The following RETSAT variants were observed in gnomAD, a reference collection of about 807,000 sequenced individuals.
RETSAT encodes the protein all-trans-retinol 13,14-reductase.
A neutral mutation model predicts 61.6 loss-of-function variants in RETSAT; 35 were observed. The observed-to-expected ratio is 0.57, with a 90% CI of 0.43 to 0.75. The LOEUF is 0.75. Among genes scored for constraint, RETSAT ranks in the 30% least tolerant of loss-of-function variants. RETSAT has a pLI of 0.00. For missense variants in RETSAT, 670 were observed against 759.5 expected (o/e 0.88, Z 1.38); for synonymous variants, 277 against 310.4 (o/e 0.89, Z 1.13).
chr2:85,344,366 G>C lies in RETSAT; in HGVS notation c.1257-18C>G, dbSNP rs776260476. On this transcript the variant is annotated intron_variant, in intron 7 of 10. Transcript: ENST00000295802. Reference sequence around the variant, plus strand: ...GCTCCATCCTGCATGTGACAAGAGTGTGGTGGGATCTCCAGGTTTTTGTCC... The same window carrying C: ...GCTCCATCCTGCATGTGACAAGAGTCTGGTGGGATCTCCAGGTTTTTGTCC... 3.0e-5 allele frequency: 49 copies of C among 1,611,310 alleles called. No homozygotes were observed. The highest frequency in any genetic ancestry group is 4.1e-5 in the Non-Finnish European group (48 of 1,177,660).
chr2:85,347,178 G>A (rs1285972550), intron 5 of RETSAT, among the ~76,000 whole-genome samples: 3 of 151,978 alleles, frequency 2.0e-5, no homozygotes, highest in African/African-American at 4.8e-5. Flanking sequence ...CTGTTCCACC[G>A]TGCTGTCTGT....
chr2:85,350,129 G>A lies in RETSAT; in HGVS notation c.710C>T (p.Ala237Val). 6.2e-7 allele frequency: 1 copy of A among 1,614,076 alleles called. No individual in the cohort carries two copies. The highest frequency in any genetic ancestry group is 2.2e-5 in the East Asian group (1 of 44,882). ...GACCTCAGCCAGGCTCTGGGTGGAT[G>A]CTTGAAGGAATGGAGAGAAACGAGT... The part of the protein sequence containing the change: ...LLTRFSPFLQ[A>V]STQSLAEVLQ... Residue 237 changes from alanine (A) to valine (V), a missense_variant, in exon 4 of 11, where the codon GCA becomes GTA. Coordinates refer to ENST00000295802, the MANE Select transcript of RETSAT (RefSeq NM_017750.4).
intron 4 of RETSAT, chr2:85,349,784 CT>C (rs1683268264): frequency 1.6e-6 from 1 of 631,074 alleles, no homozygotes; most frequent in South Asian, 2.0e-5. Flanking sequence ...AATACCCCCC[CT>C]GCAAACTGCC....
chr2:85,354,171 G>A (rs749544981), intron 1 of RETSAT, among the ~76,000 whole-genome samples, 165 bp downstream of exon 1: 28 of 152,244 alleles, frequency 1.8e-4, no homozygotes, highest in Non-Finnish European at 3.7e-4. Context: ...CGACAGTGTT[G>A]CACACTAAAG....
chr2:85,350,520 T>C (rs61094426), intron 3 of RETSAT, among the ~76,000 whole-genome samples: 4,060 of 152,226 alleles, frequency 0.027, 178 homozygotes, highest in African/African-American at 0.093. Context: ...TCTGATGTCA[T>C]GGAAGCCAGC....
Position 85,349,569 on chromosome 2 carries a change from T to C in RETSAT, c.812A>G (p.Asn271Ser), listed in dbSNP as rs747915382. 8 of 1,613,886 alleles carry C rather than the reference T, an allele frequency of 5.0e-6. No individual in the cohort carries two copies. In the African/African-American group the frequency reaches 9.3e-5, roughly 19 times the overall value. The change falls in exon 5 of 11, where the codon AAC (asparagine) becomes AGC (serine). Residue 271 changes from asparagine (N) to serine (S), a missense_variant. Transcript: ENST00000295802. ...YIFPTYGVTP[N>S]HSAFSMHALL... The stretch of plus-strand genomic sequence containing the variant: ...GGCGTGCATGGAAAAGGCACTGTGG[T>C]TGGGGGTGACACCTGCAGAAGCAAG...
chr2:85,347,193 C>A (rs1001950471), intron 5 of RETSAT, among the ~76,000 whole-genome samples: 2 of 152,014 alleles, frequency 1.3e-5, no homozygotes, highest in African/African-American at 4.8e-5. Context: ...GTCTGTTATC[C>A]CCATCCTTAG....
intron 6 of RETSAT, 71 bp from the exon 7 acceptor site, chr2:85,344,803 C>A (rs1261976639): frequency 1.3e-6 from 2 of 1,543,072 alleles, no homozygotes; most frequent in African/African-American, 2.7e-5. Flanking sequence ...CCCAGGAGAG[C>A]CTTGGGGTGC....
chr2:85,345,104 C>A (rs3755018), intron 6 of RETSAT, among the ~76,000 whole-genome samples: 1 of 151,676 alleles, frequency 6.6e-6, no homozygotes, highest in East Asian at 1.9e-4. Context: ...GCACCAAGCC[C>A]GACCTCCCTG....
rs756887256 is a variant in RETSAT at position 85,350,761 on chromosome 2, C to G, written c.597+19G>C. ...CCTTATCGAGAACAAACTCTGGGTC[C>G]TCAGCATGTCCATGTTACCTTAACC... On this transcript the variant is annotated intron_variant, in intron 3 of 10. Coordinates refer to ENST00000295802, the MANE Select transcript of RETSAT (RefSeq NM_017750.4). 1 of 1,613,994 alleles carries G rather than the reference C, an allele frequency of 6.2e-7. No individual in the cohort carries two copies. The highest frequency in any genetic ancestry group is 8.5e-7 in the Non-Finnish European group (1 of 1,179,952).
intron 1 of RETSAT, 78 bp from the exon 2 acceptor site, chr2:85,351,940 T>G: frequency 7.1e-7 from 1 of 1,406,826 alleles, no homozygotes; most frequent in Non-Finnish European, 9.7e-7. Flanking sequence ...CAAAGAAGAC[T>G]TCTCTAGCTT....
chr2:85,345,318 C>A (rs190532792), intron 6 of RETSAT, among the ~76,000 whole-genome samples: 5 of 152,212 alleles, frequency 3.3e-5, no homozygotes, highest in Admixed American at 1.3e-4. Context: ...CTTTACCCCC[C>A]AGCCCGCTCT....
rs751707956 is a variant in RETSAT at position 85,354,474 on chromosome 2, GCACAGCCAGGAGCA to G, written c.20_33del (p.Leu7ProfsTer36). On this transcript the variant is annotated frameshift_variant, in exon 1 of 11. Transcript: ENST00000295802. LOFTEE classifies it high-confidence loss of function. ...ACTTTGCAGAGGACGGCCAGCAGCA[GCACAGCCAGGAGCA>G]GCACCAGCGGAAGCCACATCACGCC... 2 of 1,613,586 alleles carry G rather than the reference GCACAGCCAGGAGCA, an allele frequency of 1.2e-6. No homozygotes were observed. The highest frequency in any genetic ancestry group is 2.7e-5 in the African/African-American group (2 of 74,950).
At position 85,344,181 on chromosome 2, in the gene RETSAT, G is replaced by C; in HGVS notation, c.1367-16C>G. The C allele has an allele frequency of 6.2e-7, 1 of 1,614,048 alleles. No individual in the cohort carries two copies. The highest frequency in any genetic ancestry group is 8.5e-7 in the Non-Finnish European group (1 of 1,179,972). ...GTGGACCGGCCTGGGGATCAGAGCTGATATTACTACTGCCCGGCCTCTCCC... is the reference window on the plus strand; with the variant it reads ...GTGGACCGGCCTGGGGATCAGAGCTCATATTACTACTGCCCGGCCTCTCCC... On this transcript the variant is annotated splice_polypyrimidine_tract_variant and intron_variant, in intron 8 of 10. Transcript: ENST00000295802.
chr2:85,346,338 A>G (rs1048737237), intron 5 of RETSAT, among the ~76,000 whole-genome samples: 5 of 152,150 alleles, frequency 3.3e-5, no homozygotes, highest in African/African-American at 1.2e-4. Flanking sequence ...GTGTGTGTGT[A>G]TGTTTGTATG....
chr2:85,343,438 T>A, intron 10 of RETSAT, 57 bp from the exon 11 acceptor site: 2 of 1,582,194 alleles, frequency 1.3e-6, no homozygotes, highest in Admixed American at 3.5e-5. Context: ...CAGGGGAGGG[T>A]GGGGCCTTGG....
chr2:85,344,920 T>A (rs1381825802), intron 6 of RETSAT, among the ~76,000 whole-genome samples, 188 bp from the exon 7 acceptor site: 1 of 152,076 alleles, frequency 6.6e-6, no homozygotes, highest in East Asian at 1.9e-4. Context: ...GGAAAATTCA[T>A]AGACAAGGGA....
intron 8 of RETSAT, 21 bp from the exon 9 acceptor site, chr2:85,344,186 T>C: frequency 6.2e-7 from 1 of 1,614,008 alleles, no homozygotes; most frequent in Admixed American, 1.7e-5. Flanking sequence ...GAGCTGATAT[T>C]ACTACTGCCC....
At position 85,345,825 on chromosome 2, in the gene RETSAT, T is replaced by C. The variant is rs376451446; in HGVS notation, c.1117+150A>G. 2,534 of 915,194 alleles carry C rather than the reference T, an allele frequency of 2.8e-3. 10 individuals carry two copies. Among genetic ancestry groups the C allele is most frequent in the Non-Finnish European group, 3.9e-3 (2,191 of 556,344 alleles). 56.7% of individuals were successfully genotyped at this position (915,194 alleles called of 1,614,324 possible). A position where few individuals can be genotyped will look rare whatever the true frequency, so the allele number is the denominator to read the frequency against. On this transcript the variant is annotated intron_variant, in intron 6 of 10. Transcript: ENST00000295802. The stretch of plus-strand genomic sequence containing the variant: ...ACATTAAATGCTAGGGTTAGGATGA[T>C]GTTAGAGGTAGCGTTCTCACCTTGT...
Sources: allele counts gnomAD v4.1 joint callset (sites outside exome capture counted in the v4.1 genomes callset), GRCh38; gene constraint gnomAD v4.1.1; transcripts MANE v1.5; gene names NCBI Gene and HGNC (gene_info 2026-07-23, HGNC 2026-07-21).